DNM3: variants seen among roughly 807,000 people sequenced by gnomAD.
DNM3 encodes dynamin 3, also known as dynamin-3.
Under a neutral mutation model 101.6 loss-of-function variants are expected in DNM3, and 47 were observed. The ratio of observed to expected loss-of-function variants is 0.46; its 90% CI spans 0.37 to 0.59. DNM3 has a LOEUF of 0.59. DNM3 is among the 20% of genes least tolerant of loss of function. The probability of loss-of-function intolerance (pLI) is 0.00; values close to 1 mark genes in which losing one functional copy is unlikely to be tolerated. For synonymous variants in DNM3, 385 were observed against 387.9 expected, an observed-to-expected ratio of 0.99 and a Z score of 0.09; for missense variants, 849 against 1,085.7, an observed-to-expected ratio of 0.78 and a Z score of 3.06.
At chr1:171,930,828 C>T (rs780010319) in intron 2 of DNM3, among the ~76,000 whole-genome samples, 1 of 152,214 alleles carries the variant, frequency 6.6e-6, no homozygotes, top group African/African-American at 2.4e-5. Context: ...GCCACACATG[C>T]TAGCTGATTC....
rs755570585 is a variant in DNM3, at chr1:171,841,649, C to G, written c.-8C>G. On this transcript the variant is annotated 5_prime_UTR_variant, in exon 1 of 21. Transcript: ENST00000627582. ...AGGGACCAGCTGGTCGCCGGCCCCT[C>G]GGGCAAGATGGGGAACCGGGAGATG... The G allele has an allele frequency of 3.7e-6, 6 of 1,608,038 alleles. No homozygotes were observed. The highest frequency in any genetic ancestry group is 1.1e-5 in the South Asian group (1 of 89,640).
intron 2 of DNM3, among the ~76,000 whole-genome samples, chr1:171,944,676 A>G (rs1418677109): frequency 6.6e-6 from 1 of 151,906 alleles, no homozygotes; most frequent in Non-Finnish European, 1.5e-5. Flanking sequence ...GCCCAGCCTC[A>G]ATTCCTTACT....
intron 13 of DNM3, among the ~76,000 whole-genome samples, chr1:172,100,641 G>C (rs1207844187): frequency 6.6e-6 from 1 of 152,080 alleles, no homozygotes; most frequent in Non-Finnish European, 1.5e-5. Flanking sequence ...CTATCAGTTA[G>C]GATTTTTTCA....
intron 1 of DNM3, among the ~76,000 whole-genome samples, chr1:171,877,171 T>C (rs2035859930): frequency 6.6e-6 from 1 of 152,218 alleles, no homozygotes; most frequent in African/African-American, 2.4e-5. Flanking sequence ...TAAATTATAA[T>C]TTTAGCCATC....
chr1:172,279,320 A>G (rs1318527593), intron 15 of DNM3, among the ~76,000 whole-genome samples: 1 of 152,148 alleles, frequency 6.6e-6, no homozygotes, highest in Non-Finnish European at 1.5e-5. Context: ...ATACATTTGC[A>G]CAGAATACTA....
At chr1:172,329,868 T>A (rs182284097) in intron 17 of DNM3, among the ~76,000 whole-genome samples, 3 of 152,262 alleles carry the variant, frequency 2.0e-5, no homozygotes, top group Admixed American at 2.0e-4. Flanking sequence ...AAAGGACTAA[T>A]TAATATATGA....
intron 12 of DNM3, among the ~76,000 whole-genome samples, chr1:172,086,070 A>T (rs2053510368): frequency 6.6e-6 from 1 of 152,190 alleles, no homozygotes; most frequent in Admixed American, 6.5e-5. Context: ...ATAAGTTATA[A>T]ATTCCAATGT....
intron 13 of DNM3, among the ~76,000 whole-genome samples, chr1:172,104,524 A>G: frequency 6.6e-6 from 1 of 152,144 alleles, no homozygotes; most frequent in Non-Finnish European, 1.5e-5. Flanking sequence ...TTTAACTTTT[A>G]CTGATTTATA....
chr1:172,227,995 C>G (rs1344811777), intron 14 of DNM3, among the ~76,000 whole-genome samples: 1 of 152,078 alleles, frequency 6.6e-6, no homozygotes, highest in Non-Finnish European at 1.5e-5. Context: ...CTAATACTCT[C>G]CTTGACACTT....
chr1:172,346,122 CAAAAA>C (rs554868535), intron 17 of DNM3, among the ~76,000 whole-genome samples: 2 of 92,156 alleles, frequency 2.2e-5, no homozygotes, highest in Admixed American at 1.2e-4. Context: ...GACTCCGTCT[CAAAAA>C]AAAAAAAAAA....
chr1:172,413,343 C>G (rs2071312808), downstream of DNM3, among the ~76,000 whole-genome samples: 1 of 152,190 alleles, frequency 6.6e-6, no homozygotes, highest in African/African-American at 2.4e-5. Context: ...TCTCCTGCCT[C>G]AGCCTCCTGA....
intron 13 of DNM3, among the ~76,000 whole-genome samples, chr1:172,122,980 G>A (rs892413719): frequency 6.6e-6 from 1 of 152,046 alleles, no homozygotes; most frequent in African/African-American, 2.4e-5. Flanking sequence ...ATAGTGCTTG[G>A]CACCGAGTAA....
At chr1:172,195,522 AGT>A (rs1405591733) in intron 14 of DNM3, among the ~76,000 whole-genome samples, 3 of 151,854 alleles carry the variant, frequency 2.0e-5, no homozygotes, top group African/African-American at 2.4e-5. Context: ...TACAGCATCT[AGT>A]GTCTCACCAT....
intron 14 of DNM3, among the ~76,000 whole-genome samples, chr1:172,183,705 A>G (rs1376254742): frequency 1.3e-5 from 2 of 150,800 alleles, no homozygotes; most frequent in Non-Finnish European, 2.9e-5. Flanking sequence ...GGCCCAAGCA[A>G]TGCTCCCACC....
chr1:172,099,264 C>G lies in DNM3; in HGVS notation c.1545+6389C>G, dbSNP rs75409325. Among the ~76,000 whole-genome samples the G allele has an allele frequency of 5.7e-3, 867 of 152,228 alleles. 10 individuals are homozygous for G. The highest frequency in any genetic ancestry group is 0.02 in the African/African-American group (821 of 41,534). On this transcript the variant is annotated intron_variant, in intron 13 of 20. Transcript: ENST00000627582. ...CATAATACAAATTTAATTCACCCTC[C>G]TATAATAATTCAATGAAGGTCATCA...
At chr1:171,960,959 T>C (rs1363375834) in intron 2 of DNM3, among the ~76,000 whole-genome samples, 1 of 152,038 alleles carries the variant, frequency 6.6e-6, no homozygotes, top group Non-Finnish European at 1.5e-5. Context: ...TTGGAAGTAG[T>C]AGTGGAAGTT....
chr1:172,179,863 AG>A (rs993069703), intron 14 of DNM3, among the ~76,000 whole-genome samples: 40 of 152,024 alleles, frequency 2.6e-4, no homozygotes, highest in African/African-American at 9.4e-4. Context: ...AGGCTCTGAG[AG>A]GTTAATTAGA....
intron 14 of DNM3, among the ~76,000 whole-genome samples, chr1:172,179,078 A>G (rs1263089595): frequency 6.6e-6 from 1 of 151,970 alleles, no homozygotes; most frequent in East Asian, 1.9e-4. Flanking sequence ...ATGCTGAGCT[A>G]GTTGTTTTGT....
At chr1:172,361,061 C>T (rs941144196) in intron 17 of DNM3, among the ~76,000 whole-genome samples, 1 of 151,988 alleles carries the variant, frequency 6.6e-6, no homozygotes, top group Admixed American at 6.6e-5. Flanking sequence ...TGAGCTCCCG[C>T]ACAGGATGAC....
Sources: gnomAD v4.1 joint callset for allele counts (sites outside exome capture counted in the v4.1 genomes callset) on GRCh38, gnomAD v4.1.1 for gene constraint, MANE v1.5 for transcripts, NCBI Gene and HGNC (gene_info 2026-07-23, HGNC 2026-07-21) for gene names.